Variants in KCND2 observed in about 807,000 individuals in gnomAD.
KCND2 encodes the protein potassium voltage-gated channel subfamily D member 2.
A neutral mutation model predicts 54.4 loss-of-function variants in KCND2; 16 were observed. The ratio of observed to expected loss-of-function variants is 0.29; its 90% CI spans 0.20 to 0.45. The LOEUF is 0.45. Ranked by LOEUF, KCND2 falls within the 20% of genes least tolerant of loss-of-function variation. KCND2 has a pLI of 1.00. For missense variants in KCND2, 486 were observed against 824.2 expected, an observed-to-expected ratio of 0.59 and a Z score of 5.02; for synonymous variants, 317 against 310.7, an observed-to-expected ratio of 1.02 and a Z score of -0.21.
At chr7:120,358,350 T>C (rs192359161) in intron 1 of KCND2, among the ~76,000 whole-genome samples, 3 of 152,078 alleles carry the variant, frequency 2.0e-5, no homozygotes, top group Admixed American at 2.0e-4. Context: ...GATTTAGGGG[T>C]TTTGTTTTTA....
intron 1 of KCND2, among the ~76,000 whole-genome samples, chr7:120,674,116 C>A (rs1792028532): frequency 6.6e-6 from 1 of 152,004 alleles, no homozygotes; most frequent in Non-Finnish European, 1.5e-5. Flanking sequence ...GTTGTCCAGG[C>A]TGGTCTTGAA....
At chr7:120,508,473 T>C (rs963423892) in intron 1 of KCND2, among the ~76,000 whole-genome samples, 6 of 151,990 alleles carry the variant, frequency 3.9e-5, no homozygotes, top group African/African-American at 1.4e-4. Context: ...GCTGTAGATA[T>C]AATTCTCCCA....
intron 1 of KCND2, among the ~76,000 whole-genome samples, chr7:120,483,511 A>G (rs1018194419): frequency 5.3e-5 from 8 of 152,214 alleles, no homozygotes; most frequent in Admixed American, 6.5e-5. Context: ...GAAGCTAAAA[A>G]ACAAGGCTGG....
At chr7:120,585,253 G>C (rs1404434749) in intron 1 of KCND2, among the ~76,000 whole-genome samples, 11 of 152,136 alleles carry the variant, frequency 7.2e-5, no homozygotes, top group Non-Finnish European at 2.9e-5. Context: ...AATGTCTTTG[G>C]TTGGATGATT....
chr7:120,489,283 CTAGA>C, intron 1 of KCND2, among the ~76,000 whole-genome samples: 1 of 151,872 alleles, frequency 6.6e-6, no homozygotes, highest in Middle Eastern at 3.5e-3. Flanking sequence ...TATGTATGAA[CTAGA>C]TAGATGCATA....
chr7:120,384,055 G>A (rs1800952995), intron 1 of KCND2, among the ~76,000 whole-genome samples: 1 of 151,898 alleles, frequency 6.6e-6, no homozygotes, highest in South Asian at 2.1e-4. Context: ...GATATAATAT[G>A]GTATGGTATC....
intron 1 of KCND2, among the ~76,000 whole-genome samples, chr7:120,652,686 C>G (rs1196568498): frequency 6.6e-6 from 1 of 152,088 alleles, no homozygotes; most frequent in Non-Finnish European, 1.5e-5. Context: ...GGGAGGCAAA[C>G]TGTCTTTATG....
At position 120,273,289 on chromosome 7, in the gene KCND2, G is replaced by C. The variant is rs1799106789; in HGVS notation, c.-1344G>C. ...GGGAGATGCAGGACCACCCACTGGC[G>C]GGGAAGCAGCTAGCAGCCCTCCCGC... On this transcript the variant is annotated 5_prime_UTR_variant, in exon 1 of 6. Coordinates refer to ENST00000331113, the MANE Select transcript of KCND2 (RefSeq NM_012281.3). Among the ~76,000 whole-genome samples the C allele has an allele frequency of 6.6e-6, 1 of 151,534 alleles. No individual in the cohort carries two copies. The highest frequency in any genetic ancestry group is 2.4e-5 in the African/African-American group (1 of 41,520).
At chr7:120,477,204 G>A (rs930237458) in intron 1 of KCND2, among the ~76,000 whole-genome samples, 1 of 152,136 alleles carries the variant, frequency 6.6e-6, no homozygotes, top group African/African-American at 2.4e-5. Flanking sequence ...GTGGCATTCT[G>A]AGCTTCAAAT....
chr7:120,596,933 T>C (rs183209412), intron 1 of KCND2, among the ~76,000 whole-genome samples: 93 of 152,348 alleles, frequency 6.1e-4, no homozygotes, highest in African/African-American at 2.2e-3. Flanking sequence ...TGCTGAAGAA[T>C]ATATATCGAT....
intron 1 of KCND2, among the ~76,000 whole-genome samples, chr7:120,425,125 C>T (rs1478501397): frequency 6.6e-6 from 1 of 151,978 alleles, no homozygotes; most frequent in Non-Finnish European, 1.5e-5. Flanking sequence ...ATTCTTTTTC[C>T]TCTCCTTATG....
At chr7:120,527,783 A>T (rs1791794126) in intron 1 of KCND2, among the ~76,000 whole-genome samples, 1 of 152,146 alleles carries the variant, frequency 6.6e-6, no homozygotes, top group African/African-American at 2.4e-5. Flanking sequence ...CACTCTTCCC[A>T]AATTCCTCTT....
intron 1 of KCND2, among the ~76,000 whole-genome samples, chr7:120,658,400 T>C (rs974024412): frequency 1.3e-5 from 2 of 152,182 alleles, no homozygotes; most frequent in African/African-American, 4.8e-5. Flanking sequence ...AATTTTGCAG[T>C]TGTTTATGAT....
intron 1 of KCND2, among the ~76,000 whole-genome samples, chr7:120,459,183 A>G (rs1420136688): frequency 6.6e-6 from 1 of 152,016 alleles, no homozygotes; most frequent in African/African-American, 2.4e-5. Flanking sequence ...CTCCACCATT[A>G]CCACTTCCCC....
chr7:120,601,614 T>C (rs7808927), intron 1 of KCND2, among the ~76,000 whole-genome samples: 7,965 of 152,226 alleles, frequency 0.052, 595 homozygotes, highest in African/African-American at 0.17. Context: ...GAAGTGCAGG[T>C]GGCAGCTAAA....
chr7:120,326,246 A>G (rs1277501025), intron 1 of KCND2, among the ~76,000 whole-genome samples: 1 of 152,136 alleles, frequency 6.6e-6, no homozygotes, highest in African/African-American at 2.4e-5. Flanking sequence ...GCCTAGAAAG[A>G]GCACTCTGAT....
intron 1 of KCND2, among the ~76,000 whole-genome samples, chr7:120,359,178 A>AG (rs1800553589): frequency 6.6e-6 from 1 of 152,178 alleles, no homozygotes; most frequent in Non-Finnish European, 1.5e-5. Context: ...CTCTGTATGA[A>AG]GCCTACCTTT....
intron 1 of KCND2, among the ~76,000 whole-genome samples, chr7:120,653,457 G>T (rs1465419922): frequency 6.6e-6 from 1 of 152,070 alleles, no homozygotes; most frequent in Non-Finnish European, 1.5e-5. Context: ...GCCACTCGTT[G>T]ACCTGGATTG....
At chr7:120,679,365 T>C (rs975130070) in intron 1 of KCND2, among the ~76,000 whole-genome samples, 5 of 152,050 alleles carry the variant, frequency 3.3e-5, no homozygotes, top group South Asian at 2.1e-4. Flanking sequence ...TAATGGATTC[T>C]GTTTACCTCA....
Sources: gnomAD v4.1 joint callset for allele counts (sites outside exome capture counted in the v4.1 genomes callset) on GRCh38, gnomAD v4.1.1 for gene constraint, MANE v1.5 for transcripts, NCBI Gene and HGNC (gene_info 2026-07-23, HGNC 2026-07-21) for gene names.